The following GUCY1B1 variants were observed in gnomAD, a reference collection of about 807,000 sequenced individuals.
GUCY1B1 encodes guanylate cyclase soluble subunit beta-1.
A neutral mutation model predicts 71.0 loss-of-function variants in GUCY1B1; 43 were observed. The ratio of observed to expected loss-of-function variants is 0.61; its 90% CI spans 0.47 to 0.78. GUCY1B1 has a LOEUF of 0.78. Ranked by LOEUF, GUCY1B1 falls within the 30% of genes least tolerant of loss-of-function variation. The probability of loss-of-function intolerance (pLI) is 0.00; values close to 1 mark genes in which losing one functional copy is unlikely to be tolerated. For synonymous variants in GUCY1B1, 266 were observed against 259.7 expected (o/e 1.02, Z -0.23); for missense variants, 535 against 754.1 (o/e 0.71, Z 3.40).
At position 155,802,235 on chromosome 4, in the gene GUCY1B1, G is replaced by A. The variant is rs375280968; in HGVS notation, c.1176-107G>A. 5.4e-4 allele frequency: 833 copies of A among 1,544,962 alleles called. 2 individuals are homozygous for A. In the Middle Eastern group the frequency reaches 8.1e-3, roughly 15 times the overall value. ...TAGAGGATGTCCTGCTAGAATCCAGGCCTTTAAAGTACAAACGACACTGAT... is the reference window on the plus strand; with the variant it reads ...TAGAGGATGTCCTGCTAGAATCCAGACCTTTAAAGTACAAACGACACTGAT... On this transcript the variant is annotated intron_variant, in intron 9 of 13. Coordinates refer to ENST00000264424, the MANE Select transcript of GUCY1B1 (RefSeq NM_000857.5). This position sits in a 1 kb window ranked among gnomAD's most constrained non-coding sequence, Gnocchi z 4.3.
chr4:155,804,831 G>A, intron 12 of GUCY1B1, 84 bp downstream of exon 12: 1 of 1,269,338 alleles, frequency 7.9e-7, no homozygotes, highest in South Asian at 1.3e-5. Context: ...AGATTTTGTT[G>A]CTTTAACAGA....
At chr4:155,771,386 T>C (rs1000495696) in intron 2 of GUCY1B1, among the ~76,000 whole-genome samples, 1 of 152,218 alleles carries the variant, frequency 6.6e-6, no homozygotes, top group African/African-American at 2.4e-5. Flanking sequence ...AGGAAATGGC[T>C]GTTCCCCTGT....
intron 2 of GUCY1B1, chr4:155,772,507 GA>G: frequency 2.1e-6 from 1 of 485,368 alleles, no homozygotes. Context: ...CTCAACTCCC[GA>G]GGCTCAAGCA....
intron 9 of GUCY1B1, among the ~76,000 whole-genome samples, chr4:155,800,377 A>C (rs1561032472): frequency 6.6e-6 from 1 of 152,214 alleles, no homozygotes; most frequent in Non-Finnish European, 1.5e-5. Flanking sequence ...AAGTTTAACT[A>C]TCATTTATTC....
intron 2 of GUCY1B1, among the ~76,000 whole-genome samples, chr4:155,764,010 A>AT (rs35272445): frequency 0.28 from 42,465 of 152,010 alleles, 6,152 homozygotes; most frequent in Middle Eastern, 0.4. Flanking sequence ...ATCAGTCTAA[A>AT]TTTTTTTTAT....
At chr4:155,771,759 T>C (rs188374690) in intron 2 of GUCY1B1, among the ~76,000 whole-genome samples, 11 of 152,196 alleles carry the variant, frequency 7.2e-5, no homozygotes, top group Admixed American at 6.5e-5. Flanking sequence ...TTCATAACAT[T>C]TTTTATACTT....
intron 4 of GUCY1B1, among the ~76,000 whole-genome samples, chr4:155,780,671 G>A (rs543797185): frequency 1.3e-5 from 2 of 152,266 alleles, no homozygotes; most frequent in Admixed American, 1.3e-4. Flanking sequence ...CACACAATAG[G>A]AAGCAAACAC....
intron 3 of GUCY1B1, among the ~76,000 whole-genome samples, chr4:155,775,852 T>C (rs1359645579): frequency 2.0e-5 from 3 of 152,334 alleles, no homozygotes; most frequent in African/African-American, 7.2e-5. Context: ...GAAGTTGTTC[T>C]CAAAGTAGTA....
intron 12 of GUCY1B1, 42 bp downstream of exon 12, chr4:155,804,789 A>ATT: frequency 6.5e-7 from 1 of 1,529,134 alleles, no homozygotes; most frequent in Non-Finnish European, 9.0e-7. Context: ...TGCAAAGAAA[A>ATT]TGTGTCTTTG....
chr4:155,772,240 T>C (rs1737740138), intron 2 of GUCY1B1, among the ~76,000 whole-genome samples: 1 of 152,224 alleles, frequency 6.6e-6, no homozygotes, highest in African/African-American at 2.4e-5. Context: ...TAATATTTTA[T>C]GTACAGTGCT....
intron 13 of GUCY1B1, 47 bp downstream of exon 13, chr4:155,805,276 G>A: frequency 6.7e-7 from 1 of 1,500,738 alleles, no homozygotes; most frequent in East Asian, 2.3e-5. Flanking sequence ...CAGAGTATAA[G>A]TATGGAAAAC....
At chr4:155,801,075 A>G (rs1375781276) in intron 9 of GUCY1B1, among the ~76,000 whole-genome samples, 1 of 152,210 alleles carries the variant, frequency 6.6e-6, no homozygotes, top group Non-Finnish European at 1.5e-5. Flanking sequence ...GTACTGAAAA[A>G]GCTCTTAATT....
At chr4:155,774,308 C>A (rs1345010777) in intron 2 of GUCY1B1, among the ~76,000 whole-genome samples, 1 of 152,160 alleles carries the variant, frequency 6.6e-6, no homozygotes, top group Admixed American at 6.5e-5. Flanking sequence ...CATGCTCCTG[C>A]CTTGCCCTTT....
intron 4 of GUCY1B1, among the ~76,000 whole-genome samples, chr4:155,786,799 G>A (rs181688015): frequency 2.0e-5 from 3 of 151,504 alleles, no homozygotes; most frequent in South Asian, 2.1e-4. Flanking sequence ...GTAGATGTGG[G>A]GTTTCACCAT....
At chr4:155,777,937 T>G (rs941648088) in intron 4 of GUCY1B1, among the ~76,000 whole-genome samples, 8 of 152,204 alleles carry the variant, frequency 5.3e-5, no homozygotes, top group South Asian at 2.1e-4. Context: ...GCCCTTTTTT[T>G]GGGGTAATGG....
At chr4:155,788,436 T>G (rs1252226387) in intron 4 of GUCY1B1, among the ~76,000 whole-genome samples, 1 of 152,204 alleles carries the variant, frequency 6.6e-6, no homozygotes, top group Non-Finnish European at 1.5e-5. Context: ...CATCTCTCTG[T>G]CACCATGTAG....
At position 155,775,080 on chromosome 4, in the gene GUCY1B1, G is replaced by A; in HGVS notation, c.178+12G>A. 7.2e-7 allele frequency: 1 copy of A among 1,397,492 alleles called. No homozygotes were observed. The highest frequency in any genetic ancestry group is 1.4e-5 in the African/African-American group (1 of 70,944). 86.6% of individuals were successfully genotyped at this position (1,397,492 alleles called of 1,614,324 possible). A position where few individuals can be genotyped will look rare whatever the true frequency, so the allele number is the denominator to read the frequency against. ...AAGCAAAGTCCTCAGTAAGTTGAATGCAACTTTCCTTCTTTGGCCAAGTTA... is the reference window on the plus strand; with the variant it reads ...AAGCAAAGTCCTCAGTAAGTTGAATACAACTTTCCTTCTTTGGCCAAGTTA... On this transcript the variant is annotated intron_variant, in intron 3 of 13. Coordinates refer to ENST00000264424, the MANE Select transcript of GUCY1B1 (RefSeq NM_000857.5).
rs1182144934 is a variant in GUCY1B1 at position 155,759,045 on chromosome 4, G to C, written c.-96G>C. On this transcript the variant is annotated 5_prime_UTR_variant, in exon 1 of 14. Transcript: ENST00000264424. Reference sequence around the variant, plus strand: ...CGCTCCAGCTCGATGCTGCCTCCCCGGCCCGGTTGCGCTGTAGCCGCTGCC... The same window carrying C: ...CGCTCCAGCTCGATGCTGCCTCCCCCGCCCGGTTGCGCTGTAGCCGCTGCC... The C allele has an allele frequency of 1.2e-5, 16 of 1,327,344 alleles. No homozygotes were observed. Among genetic ancestry groups the C allele is most frequent in the African/African-American group, 2.9e-5 (2 of 68,974 alleles). The allele number at this position is 1,327,344 out of a possible 1,614,324, so 82.2% of individuals were successfully genotyped here.
At chr4:155,777,465 C>G in intron 3 of GUCY1B1, 59 bp from the exon 4 acceptor site, 1 of 883,196 alleles carries the variant, frequency 1.1e-6, no homozygotes, top group Non-Finnish European at 1.9e-6. Context: ...TTCATTTTTT[C>G]TATTAACAAT....
Sources: allele counts gnomAD v4.1 joint callset (sites outside exome capture counted in the v4.1 genomes callset), GRCh38; gene constraint gnomAD v4.1.1; non-coding constraint Gnocchi (gnomAD v3.1); transcripts MANE v1.5; gene names NCBI Gene and HGNC (gene_info 2026-07-23, HGNC 2026-07-21).